RPL4: variants seen among roughly 807,000 people sequenced by gnomAD.
RPL4 encodes ribosomal protein L4, also known as large ribosomal subunit protein uL4.
A neutral mutation model predicts 47.7 loss-of-function variants in RPL4; 3 were observed. The ratio of observed to expected loss-of-function variants is 0.06; its 90% CI spans 0.03 to 0.16. The LOEUF (loss-of-function observed/expected upper bound fraction) is 0.16, where lower values mean the gene tolerates loss of function less well. Ranked by LOEUF, RPL4 falls within the 10% of genes least tolerant of loss-of-function variation. RPL4 has a pLI of 1.00. For synonymous variants in RPL4, 208 were observed against 182.1 expected, an observed-to-expected ratio of 1.14 and a Z score of -1.15; for missense variants, 413 against 551.3, an observed-to-expected ratio of 0.75 and a Z score of 2.51.
At position 66,499,324 on chromosome 15, in the gene RPL4, T is replaced by C. The variant is rs1247989365; in HGVS notation, c.*83A>G. 5 of 1,500,238 alleles carry C rather than the reference T, an allele frequency of 3.3e-6. No homozygotes were observed. The highest frequency in any genetic ancestry group is 4.5e-6 in the Non-Finnish European group (5 of 1,118,376). 92.9% of individuals were successfully genotyped at this position (1,500,238 alleles called of 1,614,324 possible). A position where few individuals can be genotyped will look rare whatever the true frequency, so the allele number is the denominator to read the frequency against. On this transcript the variant is annotated 3_prime_UTR_variant, in exon 10 of 10. Transcript: ENST00000307961. ...TACAGAGCACACCAAGTCATGTTTC[T>C]CACTGCCTGTATAATCAGGTCTTTA...
intron 5 of RPL4, 58 bp from the exon 6 acceptor site, chr15:66,501,562 CAG>C (rs1415898313): frequency 3.1e-6 from 5 of 1,602,390 alleles, no homozygotes; most frequent in Non-Finnish European, 3.4e-6. Flanking sequence ...AATAGATCTT[CAG>C]AGTTTTAATT....
chr15:66,500,516 G>A (rs556755169), intron 7 of RPL4, 140 bp from the exon 8 acceptor site: 9 of 754,182 alleles, frequency 1.2e-5, no homozygotes, highest in East Asian at 5.4e-5. Context: ...GGACCAGGCC[G>A]GGTGTGGTGG....
rs765428108 is a variant in RPL4 at position 66,501,869 on chromosome 15, T to C, written c.465A>G (p.Glu155=). The C allele has an allele frequency of 6.2e-7, 1 of 1,612,256 alleles. No homozygotes were observed. Among genetic ancestry groups the C allele is most frequent in the East Asian group, 2.2e-5 (1 of 44,874 alleles). Residue 155 remains glutamate (E), a synonymous_variant, in exon 5 of 10, where the codon GAA becomes GAG. Coordinates refer to ENST00000307961, the MANE Select transcript of RPL4 (RefSeq NM_000968.4). Reference sequence around the variant, plus strand: ...TCTTCTTGTAGCCTTCAACTTTATCTTCAACTACCAAAGGAAGTTCAGGAA... The same window carrying C: ...TCTTCTTGTAGCCTTCAACTTTATCCTCAACTACCAAAGGAAGTTCAGGAA... ...EEVPELPLVV[E]DKVEGYKKTK... is the part of the protein sequence containing the mutation.
Position 66,501,559 on chromosome 15 carries a change from C to A in RPL4, c.547-55G>T. The A allele has an allele frequency of 3.1e-6, 5 of 1,602,304 alleles. No homozygotes were observed. In the South Asian group the frequency reaches 5.5e-5, roughly 18 times the overall value. ...TTAAGATAGAATCTCTGCAATAGAT[C>A]TTCAGAGTTTTAATTCCTTTTTACA... On this transcript the variant is annotated intron_variant, in intron 5 of 9. Coordinates refer to ENST00000307961, the MANE Select transcript of RPL4 (RefSeq NM_000968.4).
chr15:66,500,433 G>A (rs1893587302), intron 7 of RPL4, 57 bp from the exon 8 acceptor site: 1 of 1,446,036 alleles, frequency 6.9e-7, no homozygotes, highest in African/African-American at 1.4e-5. Flanking sequence ...AGAACAGGAA[G>A]CTCAACTGAA....
In RPL4 at chr15:66,499,642, C is replaced by G; in HGVS notation, c.1049G>C (p.Arg350Pro). The G allele has an allele frequency of 6.2e-7, 1 of 1,613,884 alleles. No homozygotes were observed. The highest frequency in any genetic ancestry group is 8.5e-7 in the Non-Finnish European group (1 of 1,179,852). ...ILRQARNHKL[R>P]VDKAAAAAAA... is the part of the protein sequence containing the mutation. ...TGCTGCAGCAGCTGCCTTATCCACC[C>G]GGAGCTTGTGCTGCAACAAATTAGG... Residue 350 changes from arginine to proline, a missense_variant, in exon 10 of 10, where the codon CGG becomes CCG. By Grantham distance (103) the Arg-to-Pro change is moderately radical (BLOSUM62 -2). Around this residue, in one of 4 missense-constraint regions of RPL4, gnomAD observed 134 missense variants for 122.7 expected, o/e 1.09. Coordinates refer to ENST00000307961, the MANE Select transcript of RPL4 (RefSeq NM_000968.4).
chr15:66,499,596 T>A lies in RPL4; in HGVS notation c.1095A>T (p.Ser365=), dbSNP rs769197569. 1.2e-6 allele frequency: 2 copies of A among 1,614,036 alleles called. No homozygotes were observed. The highest frequency in any genetic ancestry group is 2.2e-5 in the South Asian group (2 of 91,080). ...TGCCTGCAACCGCCGCCTTCTCATC[T>A]GATTTGGCTTGTAGTGCCGCTGCTG... The part of the protein sequence containing the change: ...AAAAAALQAK[S]DEKAAVAGKK... The change falls in exon 10 of 10, where the codon TCA becomes TCT. Residue 365 remains serine (S), a synonymous_variant. Transcript: ENST00000307961.
chr15:66,504,252 G>A (rs936113601), intron 1 of RPL4, among the ~76,000 whole-genome samples: 2 of 152,096 alleles, frequency 1.3e-5, no homozygotes, highest in Admixed American at 6.6e-5. Flanking sequence ...TACGTATTTA[G>A]TCCAACGCAA....
chr15:66,503,569 T>G, intron 1 of RPL4, 40 bp from the exon 2 acceptor site: 1 of 1,551,836 alleles, frequency 6.4e-7, no homozygotes, highest in African/African-American at 1.4e-5. Flanking sequence ...TGACAAGTAA[T>G]GTTTGAAGCA....
rs1478542951 is a variant in RPL4 at position 66,499,526 on chromosome 15, C to T, written c.1165G>A (p.Val389Ile). The T allele has an allele frequency of 1.3e-5, 21 of 1,612,660 alleles. No individual in the cohort carries two copies. The highest frequency in any genetic ancestry group is 6.8e-6 in the Non-Finnish European group (8 of 1,179,874). The change falls in exon 10 of 10, where the codon GTT (valine) becomes ATT (isoleucine). Residue 389 changes from valine (V) to isoleucine (I), a missense_variant. Physicochemically the swap from Val to Ile is conservative, Grantham distance 29. This residue lies in a region of RPL4 where 134 missense variants were observed against 122.7 expected (regional missense o/e 1.09). Transcript: ENST00000307961. ...GKKGKKAAVGVKKQKKPLVGK... is the reference protein window; with the variant it reads ...GKKGKKAAVGIKKQKKPLVGK... ...ACCAGAGGCTTCTTCTGCTTCTTAA[C>T]ACCAACAGCAGCCTTCTTTCCTTTC...
chr15:66,502,816 C>G, intron 3 of RPL4, 66 bp from the exon 4 acceptor site: 10 of 1,610,750 alleles, frequency 6.2e-6, no homozygotes, highest in Non-Finnish European at 8.5e-6. Context: ...ATTTCTTGCT[C>G]AGTAAGAATT....
Position 66,499,578 on chromosome 15 carries a change from A to G in RPL4, c.1113T>C (p.Val371=), listed in dbSNP as rs747855429. ...LQAKSDEKAA[V]AGKKPVVGKK... ...TACCTACCACAGGCTTCTTGCCTGC[A>G]ACCGCCGCCTTCTCATCTGATTTGG... Residue 371 remains valine, a synonymous_variant, in exon 10 of 10, where the codon GTT becomes GTC. Coordinates refer to ENST00000307961, the MANE Select transcript of RPL4 (RefSeq NM_000968.4). 5.0e-6 allele frequency: 8 copies of G among 1,613,778 alleles called. No individual in the cohort carries two copies. The East Asian group carries it at 1.8e-4, about 36-fold the overall frequency.
intron 7 of RPL4, 194 bp downstream of exon 7, chr15:66,500,755 G>T (rs769510327): frequency 1.5e-6 from 1 of 648,288 alleles, no homozygotes; most frequent in Non-Finnish European, 2.6e-6. Context: ...ACACTCCAGC[G>T]TGGGTGAGAC....
In RPL4 at chr15:66,499,496, T is replaced by A; in HGVS notation, c.1195A>T (p.Lys399Ter). The change falls in exon 10 of 10, where the codon AAA (lysine) becomes TAA (stop). Residue 399 changes from lysine (K) to a stop codon, truncating the protein, a stop_gained. Transcript: ENST00000307961. LOFTEE classifies it high-confidence loss of function. ...VKKQKKPLVGKKAAATKKPAP... is the reference protein window; with the variant it reads ...VKKQKKPLVG ...GGTTTCTTGGTAGCTGCTGCCTTTT[T>A]TCCCACCAGAGGCTTCTTCTGCTTC... is the stretch of plus-strand genomic sequence containing the variant. 1 of 1,612,120 alleles carries A rather than the reference T, an allele frequency of 6.2e-7. No individual in the cohort carries two copies.
At chr15:66,500,524 T>C in intron 7 of RPL4, 148 bp from the exon 8 acceptor site, 1 of 717,564 alleles carries the variant, frequency 1.4e-6, no homozygotes, top group Non-Finnish European at 2.3e-6. Flanking sequence ...CCGGGTGTGG[T>C]GGCTCACCCC....
At chr15:66,501,234 G>A (rs752185581) in intron 6 of RPL4, 129 bp from the exon 7 acceptor site, 1 of 1,539,724 alleles carries the variant, frequency 6.5e-7, no homozygotes, top group Non-Finnish European at 9.0e-7. Context: ...CATCAATGGT[G>A]CAACTCTTTC....
rs574458796 is a variant in RPL4, at chr15:66,500,792, C to CA, written c.833+156dup. ...GAACAACTCTGTCTCAAAAACAAAA[C>CA]AAAAAACCAAAAATATAGACCAGGT... is the stretch of plus-strand genomic sequence containing the variant. On this transcript the variant is annotated intron_variant, in intron 7 of 9. Coordinates refer to ENST00000307961, the MANE Select transcript of RPL4 (RefSeq NM_000968.4). 211 of 923,924 alleles carry CA rather than the reference C, an allele frequency of 2.3e-4. 2 individuals carry two copies. The East Asian group carries it at 3.3e-3, about 15-fold the overall frequency. 57.2% of individuals were successfully genotyped at this position (923,924 alleles called of 1,614,324 possible).
chr15:66,499,731 CA>C, intron 9 of RPL4, 79 bp from the exon 10 acceptor site: 1 of 1,584,942 alleles, frequency 6.3e-7, no homozygotes, highest in Non-Finnish European at 8.6e-7. Context: ...AAAACAAAAA[CA>C]AAACAAACCA....
intron 7 of RPL4, 30 bp downstream of exon 7, chr15:66,500,919 A>G (rs1435592669): frequency 1.2e-5 from 19 of 1,602,526 alleles, no homozygotes; most frequent in Non-Finnish European, 1.6e-5. Context: ...CAATATAAAC[A>G]TCTGTGCTTA....
Sources: allele counts gnomAD v4.1 joint callset (sites outside exome capture counted in the v4.1 genomes callset), GRCh38; gene constraint gnomAD v4.1.1; regional missense constraint gnomAD v4.1.1; transcripts MANE v1.5; gene names NCBI Gene and HGNC (gene_info 2026-07-23, HGNC 2026-07-21).